OPHN1: variants seen among roughly 807,000 people sequenced by gnomAD.
OPHN1 encodes oligophrenin-1.
OPHN1 carries 11 observed loss-of-function variants against 60.7 expected under a neutral mutation model. That is an observed-to-expected ratio of 0.18 (90% CI 0.11 to 0.30). OPHN1 has a LOEUF of 0.30. OPHN1 is among the 10% of genes least tolerant of loss of function. The pLI, the probability that OPHN1 is intolerant of heterozygous loss-of-function variation, is 1.00. For missense variants in OPHN1, 449 were observed against 611.0 expected, an observed-to-expected ratio of 0.73 and a Z score of 2.80; for synonymous variants, 226 against 222.6, an observed-to-expected ratio of 1.02 and a Z score of -0.14.
rs1456957775 is a variant in OPHN1 at position 68,133,652 on chromosome X, C to T, written c.1277-14320G>A. Among the ~76,000 whole-genome samples, 5 of 112,100 alleles carry T rather than the reference C, an allele frequency of 4.5e-5. No homozygotes were observed. In the East Asian group the frequency reaches 1.4e-3, roughly 31 times the overall value. On this transcript the variant is annotated intron_variant, in intron 15 of 24. Transcript: ENST00000355520. ...TCCCTTTTTCTGCTCATCCAGTAAA[C>T]AGCTGTGCCCTACTGTGATAGATTT...
intron 15 of OPHN1, among the ~76,000 whole-genome samples, chrX:68,155,892 C>T (rs1222130627): frequency 9.0e-6 from 1 of 111,447 alleles, no homozygotes; most frequent in East Asian, 2.8e-4. Flanking sequence ...ATGGCAAGTA[C>T]CAAATCTATT....
rs191760064 is a variant in OPHN1, at chrX:68,412,496, G to C, written c.154+20371C>G. Reference sequence around the variant, plus strand: ...CAGGGGCTGAGGGCAGCTGGGAATGGGGAGTTAAAGTTTAACGTGTATAGT... The same window carrying C: ...CAGGGGCTGAGGGCAGCTGGGAATGCGGAGTTAAAGTTTAACGTGTATAGT... On this transcript the variant is annotated intron_variant, in intron 2 of 24. Transcript: ENST00000355520. Among the ~76,000 whole-genome samples, 246 of 111,159 alleles carry C rather than the reference G, an allele frequency of 2.2e-3. 1 individual carries two copies. Among genetic ancestry groups the C allele is most frequent in the African/African-American group, 7.6e-3 (234 of 30,642 alleles).
intron 5 of OPHN1, among the ~76,000 whole-genome samples, chrX:68,271,075 G>A (rs1174331501): frequency 8.9e-6 from 1 of 111,744 alleles, no homozygotes; most frequent in Non-Finnish European, 1.9e-5. Flanking sequence ...CACAAAGCCA[G>A]CTAGCAGCAG....
chrX:68,332,221 T>C (rs2078299142), intron 2 of OPHN1, among the ~76,000 whole-genome samples: 1 of 111,562 alleles, frequency 9.0e-6, no homozygotes, highest in Non-Finnish European at 1.9e-5. Context: ...CTGTGCTCTT[T>C]CCAAGGCAGA....
intron 15 of OPHN1, among the ~76,000 whole-genome samples, chrX:68,135,130 A>G (rs1569222327): frequency 9.0e-6 from 1 of 111,600 alleles, no homozygotes; most frequent in Non-Finnish European, 1.9e-5. Context: ...ACTCAGAGAC[A>G]GTTGTTCTGA....
intron 4 of OPHN1, among the ~76,000 whole-genome samples, chrX:68,275,393 T>A (rs1249326143): frequency 1.8e-5 from 2 of 111,632 alleles, no homozygotes; most frequent in African/African-American, 6.5e-5. Flanking sequence ...TTGGCAATAA[T>A]AAATATGTTC....
intron 15 of OPHN1, among the ~76,000 whole-genome samples, chrX:68,155,149 A>G (rs1161200215): frequency 5.4e-5 from 6 of 112,035 alleles, no homozygotes; most frequent in African/African-American, 1.9e-4. Flanking sequence ...AATGAATTTT[A>G]AAACTGTTCT....
At chrX:68,058,481 G>T (rs1275523975) in intron 21 of OPHN1, among the ~76,000 whole-genome samples, 3 of 111,900 alleles carry the variant, frequency 2.7e-5, no homozygotes, top group African/African-American at 9.7e-5. Flanking sequence ...TGGACAGAAT[G>T]AGACTTGAGT....
chrX:68,262,990 G>A (rs2077902355), intron 5 of OPHN1, among the ~76,000 whole-genome samples: 2 of 111,921 alleles, frequency 1.8e-5, no homozygotes, highest in African/African-American at 3.2e-5. Flanking sequence ...ACCATAAGGA[G>A]GTGGTTTACA....
At chrX:68,091,759 C>T (rs376874808) in intron 19 of OPHN1, among the ~76,000 whole-genome samples, 5 of 110,981 alleles carry the variant, frequency 4.5e-5, no homozygotes, top group East Asian at 5.7e-4. Context: ...ACAAAATGTT[C>T]GGAAAACAGA....
In OPHN1 at chrX:68,405,333, G is replaced by A. The variant is rs1234633638; in HGVS notation, c.154+27534C>T. 5.4e-5 allele frequency among the ~76,000 whole-genome samples: 6 copies of A among 110,843 alleles called. No homozygotes were observed. The East Asian group carries it at 8.5e-4, about 16-fold the overall frequency. ...AGCCTCCTGCCTCAGCCTCCCATACGAGCACATGACACCACCTGGCTAATT... is the reference window on the plus strand; with the variant it reads ...AGCCTCCTGCCTCAGCCTCCCATACAAGCACATGACACCACCTGGCTAATT... On this transcript the variant is annotated intron_variant, in intron 2 of 24. Transcript: ENST00000355520.
At chrX:68,270,423 G>T (rs925763122) in intron 5 of OPHN1, among the ~76,000 whole-genome samples, 1 of 110,182 alleles carries the variant, frequency 9.1e-6, no homozygotes, top group Non-Finnish European at 1.9e-5. Flanking sequence ...AAAAGGATGA[G>T]TTCATGTCCT....
At chrX:68,314,452 T>A (rs1186174307) in intron 2 of OPHN1, among the ~76,000 whole-genome samples, 2 of 108,741 alleles carry the variant, frequency 1.8e-5, no homozygotes, top group Non-Finnish European at 3.8e-5. Context: ...AACCAGGAGG[T>A]GGAAGTTGCA....
At chrX:68,072,565 A>C (rs949406282) in intron 20 of OPHN1, among the ~76,000 whole-genome samples, 1 of 111,678 alleles carries the variant, frequency 9.0e-6, no homozygotes, top group East Asian at 2.8e-4. Context: ...GAGTATGATG[A>C]GAACAATGTT....
Position 68,268,130 on chromosome X carries a change from ATACAGAATACAGAGG to A in OPHN1, c.384+6593_384+6607del, listed in dbSNP as rs1259883910. On this transcript the variant is annotated intron_variant, in intron 5 of 24. Coordinates refer to ENST00000355520, the MANE Select transcript of OPHN1 (RefSeq NM_002547.3). ...GAGGTACAGAATACAGAGGTACAGA[ATACAGAATACAGAGG>A]TACAGAATACAGAGGTACAAGGAGC... Among the ~76,000 whole-genome samples the A allele has an allele frequency of 7.2e-5, 8 of 111,158 alleles. No homozygotes were observed. In the East Asian group the frequency reaches 1.7e-3, roughly 24 times the overall value.
chrX:68,265,135 C>A (rs940835440), intron 5 of OPHN1, among the ~76,000 whole-genome samples: 5 of 112,452 alleles, frequency 4.4e-5, no homozygotes, highest in Non-Finnish European at 7.5e-5. Flanking sequence ...GCAGCAGAAT[C>A]TTCTGCAGAC....
At chrX:68,075,632 C>G (rs1180748691) in intron 19 of OPHN1, among the ~76,000 whole-genome samples, 1 of 110,496 alleles carries the variant, frequency 9.1e-6, no homozygotes, top group Non-Finnish European at 1.9e-5. Context: ...GCACTGATGT[C>G]AAGATAGGTG....
At chrX:68,399,425 C>T (rs1011266037) in intron 2 of OPHN1, among the ~76,000 whole-genome samples, 3 of 111,687 alleles carry the variant, frequency 2.7e-5, no homozygotes, top group Non-Finnish European at 5.6e-5. Context: ...CTGAGGTGGG[C>T]GGATCACTTG....
intron 2 of OPHN1, among the ~76,000 whole-genome samples, chrX:68,308,593 C>T (rs1019824296): frequency 9.3e-5 from 9 of 97,095 alleles, no homozygotes; most frequent in Admixed American, 2.2e-4. Context: ...CCCCATCTCA[C>T]GAAAAGAAAA....
Sources: allele counts gnomAD v4.1 joint callset (sites outside exome capture counted in the v4.1 genomes callset), GRCh38; gene constraint gnomAD v4.1.1; transcripts MANE v1.5; gene names NCBI Gene and HGNC (gene_info 2026-07-23, HGNC 2026-07-21).